The following WDR75 variants were observed in gnomAD, a reference collection of about 807,000 sequenced individuals.
WDR75 encodes the protein WD repeat-containing protein 75.
WDR75 carries 52 observed loss-of-function variants against 106.1 expected under a neutral mutation model. The observed-to-expected ratio is 0.49, with a 90% CI of 0.39 to 0.62. The LOEUF (loss-of-function observed/expected upper bound fraction) is 0.62, where lower values mean the gene tolerates loss of function less well. WDR75 is among the 20% of genes least tolerant of loss of function. The probability of loss-of-function intolerance (pLI) is 0.00; values close to 1 mark genes in which losing one functional copy is unlikely to be tolerated. For synonymous variants in WDR75, 333 were observed against 335.5 expected (o/e 0.99, Z 0.08); for missense variants, 905 against 970.3 (o/e 0.93, Z 0.89).
intron 2 of WDR75, chr2:189,450,667 A>G: frequency 7.5e-7 from 1 of 1,327,516 alleles, no homozygotes; most frequent in South Asian, 1.8e-5. Context: ...CAAGACAGAA[A>G]GTTGGCTTTT....
At chr2:189,450,341 GT>G (rs1686590375) in intron 2 of WDR75, 12 of 965,812 alleles carry the variant, frequency 1.2e-5, no homozygotes, top group Non-Finnish European at 1.5e-5. Context: ...TTGTGTGGGT[GT>G]TTTTGTTTTG....
chr2:189,457,948 T>TG (rs1282571877), intron 6 of WDR75, among the ~76,000 whole-genome samples: 3 of 122,900 alleles, frequency 2.4e-5, no homozygotes, highest in Non-Finnish European at 5.0e-5. Context: ...TTTTTTGAGA[T>TG]GGAGTCTTGC....
Position 189,441,583 on chromosome 2 carries a change from GA to G in WDR75, c.86+6del. On this transcript the variant is annotated splice_donor_region_variant and intron_variant, in intron 1 of 20. Transcript: ENST00000314761. ...TGTGTTCTCTGCAGATTCTAAGTAT[GA>G]GGGGCACCGCGCTTTGTCGGCTGAG... is the stretch of plus-strand genomic sequence containing the variant. 1 of 1,555,140 alleles carries G rather than the reference GA, an allele frequency of 6.4e-7. No homozygotes were observed.
At chr2:189,463,665 T>G in intron 9 of WDR75, 29 bp from the exon 10 acceptor site, 1 of 1,612,594 alleles carries the variant, frequency 6.2e-7, no homozygotes, top group Middle Eastern at 1.7e-4. Context: ...CCTATTGATA[T>G]TTAAATACCT....
rs369577365 is a variant in WDR75, at chr2:189,461,237, G to A, written c.779-1247G>A. ...AATGGTTATTTGATGGAATACTTTT[G>A]AGAAAACAGTCTGAAACAGTGTCCT... On this transcript the variant is annotated intron_variant, in intron 8 of 20. Transcript: ENST00000314761. Among the ~76,000 whole-genome samples, 16 of 152,298 alleles carry A rather than the reference G, an allele frequency of 1.1e-4. No homozygotes were observed. In the South Asian group the frequency reaches 3.1e-3, roughly 30 times the overall value.
chr2:189,473,159 G>A (rs1267569437), intron 18 of WDR75, among the ~76,000 whole-genome samples: 1 of 152,014 alleles, frequency 6.6e-6, no homozygotes, highest in Non-Finnish European at 1.5e-5. Flanking sequence ...GGCGGTTGCA[G>A]TGAGCCTAGG....
intron 15 of WDR75, 106 bp from the exon 16 acceptor site, chr2:189,469,238 T>A: frequency 1.2e-6 from 1 of 816,130 alleles, no homozygotes; most frequent in Non-Finnish European, 2.1e-6. Context: ...TCTCCATGTG[T>A]GTTAGTTGGA....
At chr2:189,474,618 G>C (rs1321290783) in intron 19 of WDR75, 99 bp from the exon 20 acceptor site, 1 of 1,056,708 alleles carries the variant, frequency 9.5e-7, no homozygotes, top group African/African-American at 1.6e-5. Flanking sequence ...TTCACTCTTG[G>C]CATTTACAAT....
At chr2:189,475,167 T>G (rs1363301057) in intron 20 of WDR75, 46 bp from the exon 21 acceptor site, 2 of 1,413,878 alleles carry the variant, frequency 1.4e-6, no homozygotes, top group East Asian at 2.4e-5. Context: ...AGTTACTGTT[T>G]AGAAACATTT....
chr2:189,459,558 G>A (rs762264580), intron 8 of WDR75, 134 bp downstream of exon 8: 1 of 828,218 alleles, frequency 1.2e-6, no homozygotes, highest in East Asian at 2.7e-5. Flanking sequence ...TGTTACCCCT[G>A]TATTTTGGGC....
chr2:189,470,506 T>C (rs555686060), intron 17 of WDR75, among the ~76,000 whole-genome samples: 4 of 152,162 alleles, frequency 2.6e-5, no homozygotes, highest in South Asian at 2.1e-4. Flanking sequence ...TAAAATACTT[T>C]AAATTGCATG....
intron 2 of WDR75, chr2:189,449,119 A>T: frequency 1.7e-6 from 1 of 595,860 alleles, no homozygotes; most frequent in Non-Finnish European, 2.6e-6. Flanking sequence ...CTTTCTTAGT[A>T]TTTAAGAATA....
In WDR75 at chr2:189,474,327, A is replaced by G. The variant is rs759156459; in HGVS notation, c.2191A>G (p.Ser731Gly). Reference protein sequence around the residue: ...LPLTENIPAISELLHTPAHVL... With the variant: ...LPLTENIPAIGELLHTPAHVL... ...CTTAACAGAAAACATACCCGCAATT[A>G]GTGAGGTAAGTAATTATGAAAACCA... Residue 731 changes from serine (S) to glycine (G), a missense_variant, in exon 19 of 21, where the codon AGT becomes GGT. Ser to Gly is a moderately conservative substitution (Grantham distance 56, BLOSUM62 0). Transcript: ENST00000314761. 1.2e-6 allele frequency: 2 copies of G among 1,607,348 alleles called. No individual in the cohort carries two copies. The highest frequency in any genetic ancestry group is 1.7e-6 in the Non-Finnish European group (2 of 1,178,274).
chr2:189,465,486 T>A (rs1327116465), intron 12 of WDR75, among the ~76,000 whole-genome samples: 1 of 152,116 alleles, frequency 6.6e-6, no homozygotes, highest in Non-Finnish European at 1.5e-5. Flanking sequence ...AAGTGACACC[T>A]CCTCAAGGGC....
In WDR75 at chr2:189,455,442, G is replaced by A. The variant is rs142864260; in HGVS notation, c.496G>A (p.Glu166Lys). 995 of 1,603,012 alleles carry A rather than the reference G, an allele frequency of 6.2e-4. 10 individuals are homozygous for A. The highest frequency in any genetic ancestry group is 1.3e-4 in the Non-Finnish European group (154 of 1,176,020). ...QSPKCIAFGN[E>K]GVYVAAVREF... is the part of the protein sequence containing the mutation. ...ACCCAAGTGCATTGCCTTTGGAAACGAGGTAAATTTTGTTTTGTTCGTTTT... is the reference window on the plus strand; with the variant it reads ...ACCCAAGTGCATTGCCTTTGGAAACAAGGTAAATTTTGTTTTGTTCGTTTT... Residue 166 changes from glutamate to lysine, a missense_variant and splice_region_variant, in exon 5 of 21, where the codon GAG becomes AAG. Physicochemically the swap from Glu to Lys is moderately conservative, Grantham distance 56 (BLOSUM62 1). Transcript: ENST00000314761.
At chr2:189,447,567 G>T (rs1686527215) in intron 1 of WDR75, among the ~76,000 whole-genome samples, 1 of 152,174 alleles carries the variant, frequency 6.6e-6, no homozygotes, top group African/African-American at 2.4e-5. Context: ...ATAGTGACTA[G>T]TACAGTGTCT....
In WDR75 at chr2:189,474,208, C is replaced by G; in HGVS notation, c.2072C>G (p.Pro691Arg). 1 of 1,612,186 alleles carries G rather than the reference C, an allele frequency of 6.2e-7. No individual in the cohort carries two copies. Among genetic ancestry groups the G allele is most frequent in the South Asian group, 1.1e-5 (1 of 90,380 alleles). Residue 691 changes from proline to arginine, a missense_variant, in exon 19 of 21, where the codon CCC becomes CGC. By Grantham distance (103) the Pro-to-Arg change is moderately radical. Coordinates refer to ENST00000314761, the MANE Select transcript of WDR75 (RefSeq NM_032168.3). ...AAGCTGCTAGCAGAAGAAAGTCTTCCCACAACCCCATTTTATTTCATATTG... is the reference window on the plus strand; with the variant it reads ...AAGCTGCTAGCAGAAGAAAGTCTTCGCACAACCCCATTTTATTTCATATTG... ...SKQLLAEESLPTTPFYFILGK... is the reference protein window; with the variant it reads ...SKQLLAEESLRTTPFYFILGK...
At chr2:189,448,723 G>A (rs1430490135) in intron 2 of WDR75, 3 of 659,082 alleles carry the variant, frequency 4.6e-6, no homozygotes, top group Non-Finnish European at 8.4e-6. Context: ...ACCTGAGAAG[G>A]ATATTCTTGG....
chr2:189,468,522 C>G lies in WDR75; in HGVS notation c.1676C>G (p.Ala559Gly), dbSNP rs777937409. 1.9e-6 allele frequency: 3 copies of G among 1,613,216 alleles called. No individual in the cohort carries two copies. The Admixed American group carries it at 5.0e-5, about 27-fold the overall frequency. The change falls in exon 15 of 21, where the codon GCT becomes GGT. Residue 559 changes from alanine (A) to glycine (G), a missense_variant. Ala to Gly is a moderately conservative substitution (Grantham distance 60). Transcript: ENST00000314761. ...RLTCSKYLLGATENGILCCWN... is the reference protein window; with the variant it reads ...RLTCSKYLLGGTENGILCCWN... The stretch of plus-strand genomic sequence containing the variant: ...ACGTGTTCAAAGTATCTACTTGGTG[C>G]TACTGAAAATGGCATTCTTTGCTGT...
Sources: gnomAD v4.1 joint callset for allele counts (sites outside exome capture counted in the v4.1 genomes callset) on GRCh38, gnomAD v4.1.1 for gene constraint, MANE v1.5 for transcripts, NCBI Gene and HGNC (gene_info 2026-07-23, HGNC 2026-07-21) for gene names.